Variants in PCDHGB3 observed in about 807,000 individuals in gnomAD.
PCDHGB3 encodes the protein protocadherin gamma-B3.
In PCDHGB3, 40 loss-of-function variants were observed where a neutral mutation model predicts 59.2. The observed-to-expected ratio is 0.68, with a 90% CI of 0.52 to 0.88. The LOEUF (loss-of-function observed/expected upper bound fraction) is 0.88, where lower values mean the gene tolerates loss of function less well. Among genes scored for constraint, PCDHGB3 ranks in the 40% least tolerant of loss-of-function variants. The pLI is 0.00. For synonymous variants in PCDHGB3, 581 were observed against 503.6 expected, an observed-to-expected ratio of 1.15 and a Z score of -2.06; for missense variants, 1,309 against 1,187.9, an observed-to-expected ratio of 1.10 and a Z score of -1.50.
chr5:141,498,848 G>A (rs930895553), intron 2 of PCDHGB3, among the ~76,000 whole-genome samples: 3 of 151,908 alleles, frequency 2.0e-5, no homozygotes, highest in Non-Finnish European at 4.4e-5. Context: ...CAGGGGAATC[G>A]CTTGAACCCA....
chr5:141,483,350 G>C (rs2099580423), intron 1 of PCDHGB3, among the ~76,000 whole-genome samples: 4 of 152,172 alleles, frequency 2.6e-5, no homozygotes, highest in Admixed American at 1.3e-4. Flanking sequence ...CTTTGCAATA[G>C]TTTGAAAGCT....
At chr5:141,381,397 A>G (rs1207743426) in intron 1 of PCDHGB3, among the ~76,000 whole-genome samples, 1 of 152,222 alleles carries the variant, frequency 6.6e-6, no homozygotes, top group Admixed American at 6.5e-5. Flanking sequence ...GTTTTACTCT[A>G]TCAACATCAG....
At chr5:141,400,235 T>TGATTCTGGCCGTTGCC in intron 1 of PCDHGB3, 1 of 1,614,006 alleles carries the variant, frequency 6.2e-7, no homozygotes, top group East Asian at 2.2e-5. Flanking sequence ...CTCCTGGCCG[T>TGATTCTGGCCGTTGCC]GATTCTGGCC....
chr5:141,373,042 T>C (rs1415410484), intron 1 of PCDHGB3, among the ~76,000 whole-genome samples: 6 of 152,218 alleles, frequency 3.9e-5, no homozygotes, highest in African/African-American at 1.4e-4. Context: ...TTCTTAATCC[T>C]AATACACTAT....
intron 1 of PCDHGB3, chr5:141,389,352 A>G (rs758141313): frequency 7.4e-6 from 12 of 1,613,628 alleles, no homozygotes; most frequent in Admixed American, 1.7e-5. Flanking sequence ...TTACTGCATC[A>G]TGGCCAGTGA....
intron 1 of PCDHGB3, among the ~76,000 whole-genome samples, chr5:141,472,102 T>C (rs1231168102): frequency 6.6e-6 from 1 of 152,240 alleles, no homozygotes; most frequent in Non-Finnish European, 1.5e-5. Flanking sequence ...ATTCCCATTT[T>C]ATACATAAAG....
At chr5:141,409,988 G>GC (rs1561724887) in intron 1 of PCDHGB3, 1 of 1,613,278 alleles carries the variant, frequency 6.2e-7, no homozygotes, top group Non-Finnish European at 8.5e-7. Flanking sequence ...AGCGGTGGAC[G>GC]CCGACTCGGG....
rs978973236 is a variant in PCDHGB3, at chr5:141,399,545, C to G, written c.2415+26736C>G. 8 of 1,614,050 alleles carry G rather than the reference C, an allele frequency of 5.0e-6. No homozygotes were observed. In the South Asian group the frequency reaches 6.6e-5, roughly 13 times the overall value. ...GCCTCCATCGCGCAAGTCTGCGCCT[C>G]GGACCTGGACTTGGGGTTGAACGGC... On this transcript the variant is annotated intron_variant, in intron 1 of 3. Transcript: ENST00000576222.
In PCDHGB3 at chr5:141,431,675, G is replaced by A. The variant is rs778040824; in HGVS notation, c.2415+58866G>A. Reference sequence around the variant, plus strand: ...TTCAGGGACAATATCAACAATAGGGGAGTTGGACCACGAGGAGTCAGGATT... The same window carrying A: ...TTCAGGGACAATATCAACAATAGGGAAGTTGGACCACGAGGAGTCAGGATT... On this transcript the variant is annotated intron_variant, in intron 1 of 3. Coordinates refer to ENST00000576222, the MANE Select transcript of PCDHGB3 (RefSeq NM_018924.5). The surrounding 1 kb of genome is among the most constrained non-coding windows in gnomAD (Gnocchi z 4.8). 5.6e-6 allele frequency: 9 copies of A among 1,614,230 alleles called. No homozygotes were observed. Among genetic ancestry groups the A allele is most frequent in the Admixed American group, 1.7e-5 (1 of 60,028 alleles).
rs1416883218 is a variant in PCDHGB3, at chr5:141,428,027, G to A, written c.2415+55218G>A. On this transcript the variant is annotated intron_variant, in intron 1 of 3. Coordinates refer to ENST00000576222, the MANE Select transcript of PCDHGB3 (RefSeq NM_018924.5). ...TCGATATAGTGCCACGCGCCGCAGAGTCCGGCTACCTGGTGACCAAGGTGG... is the reference window on the plus strand; with the variant it reads ...TCGATATAGTGCCACGCGCCGCAGAATCCGGCTACCTGGTGACCAAGGTGG... 1.9e-6 allele frequency: 3 copies of A among 1,606,742 alleles called. No homozygotes were observed. The Admixed American group carries it at 5.0e-5, about 27-fold the overall frequency.
chr5:141,467,811 A>T (rs562932160), intron 1 of PCDHGB3, among the ~76,000 whole-genome samples: 1 of 152,164 alleles, frequency 6.6e-6, no homozygotes, highest in African/African-American at 2.4e-5. Flanking sequence ...GGCACATGCC[A>T]CCACACCAGG....
intron 1 of PCDHGB3, chr5:141,408,661 G>T (rs1462103250): frequency 1.2e-6 from 2 of 1,613,888 alleles, no homozygotes; most frequent in Middle Eastern, 3.3e-4. Context: ...CACGACTATC[G>T]CTTGACCCTG....
intron 1 of PCDHGB3, chr5:141,441,078 G>T (rs1443239760): frequency 2.0e-5 from 3 of 152,140 alleles, no homozygotes; most frequent in Non-Finnish European, 4.4e-5. Context: ...CCATGGTTTT[G>T]GTAGCAAGTG....
At chr5:141,423,327 A>G in intron 1 of PCDHGB3, 1 of 1,614,100 alleles carries the variant, frequency 6.2e-7, no homozygotes, top group Non-Finnish European at 8.5e-7. Flanking sequence ...CGGTGGCCGC[A>G]GTCTCCTGCA....
At position 141,409,906 on chromosome 5, in the gene PCDHGB3, T is replaced by C. The variant is rs779572711; in HGVS notation, c.2415+37097T>C. Reference sequence around the variant, plus strand: ...CGCGGGTGCTGTACCCAGCTCTGGGTCCTGACGGCTCCGCGTTCTTCGATA... The same window carrying C: ...CGCGGGTGCTGTACCCAGCTCTGGGCCCTGACGGCTCCGCGTTCTTCGATA... On this transcript the variant is annotated intron_variant, in intron 1 of 3. Transcript: ENST00000576222. 6 of 1,613,214 alleles carry C rather than the reference T, an allele frequency of 3.7e-6. No homozygotes were observed. The South Asian group carries it at 6.6e-5, about 18-fold the overall frequency.
intron 1 of PCDHGB3, chr5:141,419,435 C>CGCACCT (rs2096383167): frequency 6.2e-7 from 1 of 1,613,108 alleles, no homozygotes; most frequent in Admixed American, 1.7e-5. Context: ...CGAGCAGCTG[C>CGCACCT]GCACCTTCGA....
intron 1 of PCDHGB3, chr5:141,398,053 A>C: frequency 2.0e-6 from 3 of 1,516,468 alleles, no homozygotes; most frequent in Non-Finnish European, 2.7e-6. Flanking sequence ...TCGGAGATCC[A>C]AAAATCTACA....
At chr5:141,456,593 G>C (rs917316601) in intron 1 of PCDHGB3, among the ~76,000 whole-genome samples, 2 of 152,168 alleles carry the variant, frequency 1.3e-5, no homozygotes, top group African/African-American at 4.8e-5. Flanking sequence ...CAATAATTTT[G>C]ATTTGATTTT....
At chr5:141,419,904 C>G (rs2096446397) in intron 1 of PCDHGB3, 2 of 1,614,108 alleles carry the variant, frequency 1.2e-6, no homozygotes, top group Non-Finnish European at 1.7e-6. Flanking sequence ...CCCACACCCT[C>G]TGACTCCCAG....
Sources: allele counts gnomAD v4.1 joint callset (sites outside exome capture counted in the v4.1 genomes callset), GRCh38; gene constraint gnomAD v4.1.1; non-coding constraint Gnocchi (gnomAD v3.1); transcripts MANE v1.5; gene names NCBI Gene and HGNC (gene_info 2026-07-23, HGNC 2026-07-21).